The following PRR5 variants were observed in gnomAD, a reference collection of about 807,000 sequenced individuals.
The protein encoded by PRR5 is proline rich 5, also known as proline-rich protein 5.
Under a neutral mutation model 30.6 loss-of-function variants are expected in PRR5, and 25 were observed. The ratio of observed to expected loss-of-function variants is 0.82; its 90% confidence interval spans 0.60 to 1.14. PRR5 has a LOEUF of 1.14. Among genes scored for constraint, PRR5 ranks in the 50% most tolerant of loss-of-function variants. The probability of loss-of-function intolerance (pLI) is 0.00; values close to 1 mark genes in which losing one functional copy is unlikely to be tolerated. For synonymous variants in PRR5, 286 were observed against 247.1 expected, an observed-to-expected ratio of 1.16 and a Z score of -1.48; for missense variants, 600 against 547.1, an observed-to-expected ratio of 1.10 and a Z score of -0.96.
At chr22:44,671,114 G>A (rs370688725) in intron 1 of PRR5, among the ~76,000 whole-genome samples, 4 of 152,270 alleles carry the variant, frequency 2.6e-5, no homozygotes, top group South Asian at 2.1e-4. Flanking sequence ...GGTGCTATCC[G>A]GGTCAGATGG....
chr22:44,708,168 C>G (rs563977594), intron 1 of PRR5, among the ~76,000 whole-genome samples: 1 of 152,208 alleles, frequency 6.6e-6, no homozygotes, highest in East Asian at 1.9e-4. Context: ...CCACTGCACT[C>G]CAGCCTAGGT....
intron 1 of PRR5, among the ~76,000 whole-genome samples, chr22:44,680,181 G>A (rs9614554): frequency 6.6e-6 from 1 of 152,248 alleles, no homozygotes; most frequent in African/African-American, 2.4e-5. Flanking sequence ...AGGGTCACAG[G>A]GTCCAGGGTT....
At chr22:44,685,970 T>C (rs1357016465) in intron 1 of PRR5, among the ~76,000 whole-genome samples, 1 of 152,172 alleles carries the variant, frequency 6.6e-6, no homozygotes, top group Non-Finnish European at 1.5e-5. Context: ...GTTCCCCTAT[T>C]GGGGCCCGGC....
upstream of PRR5, among the ~76,000 whole-genome samples, chr22:44,676,351 A>T (rs1436147825): frequency 7.3e-6 from 1 of 137,924 alleles, no homozygotes; most frequent in East Asian, 2.3e-4. Context: ...TGATTGCGCC[A>T]CTGCTTTTCA....
intron 1 of PRR5, among the ~76,000 whole-genome samples, chr22:44,711,697 A>G (rs1318305914): frequency 6.6e-6 from 1 of 152,136 alleles, no homozygotes; most frequent in African/African-American, 2.4e-5. Flanking sequence ...GTCCGCTGTA[A>G]GGGAGGCCTG....
chr22:44,729,932 T>A, intron 4 of PRR5: 1 of 985,460 alleles, frequency 1.0e-6, no homozygotes, highest in Non-Finnish European at 1.2e-6. Context: ...AGGGACTTTG[T>A]GTGTGGGCAC....
intron 1 of PRR5, among the ~76,000 whole-genome samples, chr22:44,670,388 C>A (rs1923354778): frequency 6.6e-6 from 1 of 152,192 alleles, no homozygotes; most frequent in African/African-American, 2.4e-5. Context: ...GATCCCAGCT[C>A]CAGCACTGGC....
At chr22:44,687,489 C>G (rs769689652) in intron 1 of PRR5, among the ~76,000 whole-genome samples, 11 of 152,192 alleles carry the variant, frequency 7.2e-5, no homozygotes, top group Non-Finnish European at 1.5e-4. Flanking sequence ...TAGAGTCCCT[C>G]AGGAGAACTG....
intron 1 of PRR5, among the ~76,000 whole-genome samples, chr22:44,683,038 T>C (rs909349592): frequency 4.4e-4 from 67 of 152,158 alleles, no homozygotes; most frequent in African/African-American, 1.5e-3. Context: ...AGGGTGAGCA[T>C]GTGGACATGA....
intron 4 of PRR5, chr22:44,730,018 G>A (rs1921652115): frequency 1.0e-6 from 1 of 985,458 alleles, no homozygotes; most frequent in South Asian, 4.7e-5. Context: ...GCCAGGTTTG[G>A]GCTACCCGGG....
In PRR5 at chr22:44,737,578, G is replaced by T. The variant is rs1294861955; in HGVS notation, c.*331G>T. The T allele has an allele frequency of 1.0e-5, 3 of 295,664 alleles. No individual in the cohort carries two copies. The highest frequency in any genetic ancestry group is 1.9e-5 in the Non-Finnish European group (3 of 159,422). 18.3% of individuals were successfully genotyped at this position (295,664 alleles called of 1,614,324 possible). A position where few individuals can be genotyped will look rare whatever the true frequency, so the allele number is the denominator to read the frequency against. On this transcript the variant is annotated 3_prime_UTR_variant, in exon 8 of 8. Transcript: ENST00000336985. ...AGAGAATGTAAACCCAGTGGGCTCT[G>T]CCCACGCCGGGCCCCAAAGTGACCA...
chr22:44,705,069 CTG>C (rs1926967528), intron 1 of PRR5, among the ~76,000 whole-genome samples: 1 of 152,200 alleles, frequency 6.6e-6, no homozygotes. Context: ...CCCCTTTTAT[CTG>C]TGTGACTGTA....
intron 1 of PRR5, among the ~76,000 whole-genome samples, chr22:44,707,946 A>G (rs1927494091): frequency 6.6e-6 from 1 of 152,100 alleles, no homozygotes; most frequent in South Asian, 2.1e-4. Context: ...TGGCCCCAAG[A>G]TGCCAGCCTC....
intron 1 of PRR5, among the ~76,000 whole-genome samples, chr22:44,683,623 C>A (rs1924484280): frequency 6.6e-6 from 1 of 152,238 alleles, no homozygotes; most frequent in African/African-American, 2.4e-5. Flanking sequence ...CCCTCCCAGG[C>A]CACCCTGCCT....
At chr22:44,732,459 G>A (rs1397095596) in intron 6 of PRR5, 68 bp downstream of exon 6, 1 of 1,553,608 alleles carries the variant, frequency 6.4e-7, no homozygotes, top group Non-Finnish European at 8.7e-7. Flanking sequence ...GGTCCCCACA[G>A]GCAGAGCATG....
At chr22:44,729,627 C>T (rs1921551195) in intron 4 of PRR5, 1 of 985,476 alleles carries the variant, frequency 1.0e-6, no homozygotes, top group Non-Finnish European at 1.2e-6. Flanking sequence ...TGGGGTCGCC[C>T]CATACCTGCC....
chr22:44,699,695 G>A (rs555539745), upstream of PRR5, among the ~76,000 whole-genome samples: 24 of 152,294 alleles, frequency 1.6e-4, no homozygotes, highest in South Asian at 1.5e-3. Context: ...AAAAGTCATC[G>A]GGTGACAACA....
chr22:44,702,323 C>T lies in PRR5; in HGVS notation c.-152C>T, dbSNP rs1405671776. 8.7e-7 allele frequency: 1 copy of T among 1,148,924 alleles called. No individual in the cohort carries two copies. The highest frequency in any genetic ancestry group is 1.1e-6 in the Non-Finnish European group (1 of 927,826). The allele number at this position is 1,148,924 out of a possible 1,614,324, so 71.2% of individuals were successfully genotyped here. The stretch of plus-strand genomic sequence containing the variant: ...CGGGACCCGAGACGGAGGCGCGGGG[C>T]CGGGGCGGGACCCCGCAGGACCGCT... On this transcript the variant is annotated 5_prime_UTR_variant, in exon 1 of 8. Transcript: ENST00000336985.
At chr22:44,729,774 A>G in intron 4 of PRR5, 1 of 985,400 alleles carries the variant, frequency 1.0e-6, no homozygotes, top group Non-Finnish European at 1.2e-6. Context: ...CTGTTTTACA[A>G]CATCTGCTTT....
Sources: gnomAD v4.1 joint callset for allele counts (sites outside exome capture counted in the v4.1 genomes callset) on GRCh38, gnomAD v4.1.1 for gene constraint, MANE v1.5 for transcripts, NCBI Gene and HGNC (gene_info 2026-07-23, HGNC 2026-07-21) for gene names.